Variants in PEX5L observed in about 807,000 individuals in gnomAD.
The protein encoded by PEX5L is peroxisomal biogenesis factor 5 like.
A neutral mutation model predicts 84.0 loss-of-function variants in PEX5L; 30 were observed. The observed-to-expected ratio is 0.36, with a 90% confidence interval of 0.27 to 0.48. The LOEUF (loss-of-function observed/expected upper bound fraction) is 0.48, where lower values mean the gene tolerates loss of function less well. Among genes scored for constraint, PEX5L ranks in the 20% least tolerant of loss-of-function variants. The pLI, the probability that PEX5L is intolerant of heterozygous loss-of-function variation, is 0.99. For missense variants in PEX5L, 533 were observed against 754.6 expected (o/e 0.71, Z 3.44); for synonymous variants, 270 against 283.1 (o/e 0.95, Z 0.46).
intron 7 of PEX5L, among the ~76,000 whole-genome samples, chr3:179,866,005 T>C (rs1027753262): frequency 3.9e-5 from 6 of 152,274 alleles, no homozygotes; most frequent in Middle Eastern, 6.8e-3. Flanking sequence ...CCTGGAAACA[T>C]CTTGGGTTTA....
intron 8 of PEX5L, among the ~76,000 whole-genome samples, chr3:179,846,950 A>G (rs891741130): frequency 2.0e-5 from 3 of 152,072 alleles, no homozygotes; most frequent in Middle Eastern, 3.4e-3. Context: ...AGCCTCCACA[A>G]TTGTGTGAGC....
chr3:179,858,869 ATCAAATGTTC>A (rs1446153622), intron 8 of PEX5L, among the ~76,000 whole-genome samples, 183 bp downstream of exon 8: 2 of 152,198 alleles, frequency 1.3e-5, no homozygotes, highest in Non-Finnish European at 2.9e-5. Context: ...CTGGTGGGAA[ATCAAATGTTC>A]TCTGGTACAT....
intron 2 of PEX5L, among the ~76,000 whole-genome samples, chr3:179,950,770 G>C (rs77294036): frequency 0.026 from 3,943 of 152,294 alleles, 179 homozygotes; most frequent in African/African-American, 0.091. Flanking sequence ...GTCCCAAGAG[G>C]TCAAAGCAAG....
At chr3:180,009,338 T>A (rs2110459454) in intron 1 of PEX5L, among the ~76,000 whole-genome samples, 1 of 152,336 alleles carries the variant, frequency 6.6e-6, no homozygotes, top group East Asian at 1.9e-4. Flanking sequence ...ATAGAGTAAT[T>A]AATTACTTTA....
chr3:179,942,521 G>A (rs182195698), intron 2 of PEX5L, among the ~76,000 whole-genome samples: 2 of 152,338 alleles, frequency 1.3e-5, no homozygotes, highest in Admixed American at 6.5e-5. Flanking sequence ...GTAGGCACTC[G>A]GAGGCGCGGA....
intron 8 of PEX5L, among the ~76,000 whole-genome samples, chr3:179,846,984 T>C (rs1311311571): frequency 6.6e-6 from 1 of 151,902 alleles, no homozygotes; most frequent in African/African-American, 2.4e-5. Context: ...TAAATCTAAA[T>C]ATGGAGATAT....
Position 179,798,866 on chromosome 3 carries a change from T to C in PEX5L, c.*2962A>G, listed in dbSNP as rs1015209172. The C allele has an allele frequency of 5.9e-5, 9 of 152,178 alleles. No individual in the cohort carries two copies. Among genetic ancestry groups the C allele is most frequent in the African/African-American group, 1.9e-4 (8 of 41,442 alleles). 9.4% of individuals were successfully genotyped at this position (152,178 alleles called of 1,614,324 possible). A position where few individuals can be genotyped will look rare whatever the true frequency, so the allele number is the denominator to read the frequency against. ...CTGTATATGATTTATACAAAAAGAC[T>C]GTTCTAAAGTCTTGCTACTGATTTC... On this transcript the variant is annotated 3_prime_UTR_variant, in exon 15 of 15. Transcript: ENST00000467460.
At position 180,036,736 on chromosome 3, in the gene PEX5L, G is replaced by T. The variant is rs1791941548; in HGVS notation, c.-137C>A. On this transcript the variant is annotated 5_prime_UTR_variant, in exon 1 of 15. Transcript: ENST00000467460. ...GCTCCTGAGCCCCCTGGAGCTCCGG[G>T]TACTCGGCCGGCCGGCGGCCACTCG... 1.1e-6 allele frequency: 1 copy of T among 892,054 alleles called. No homozygotes were observed. The highest frequency in any genetic ancestry group is 1.8e-5 in the Admixed American group (1 of 54,386). 55.3% of individuals were successfully genotyped at this position (892,054 alleles called of 1,614,324 possible). A position where few individuals can be genotyped will look rare whatever the true frequency, so the allele number is the denominator to read the frequency against.
rs556286115 is a variant in PEX5L, at chr3:179,795,775, T to G, written c.*6053A>C. On this transcript the variant is annotated 3_prime_UTR_variant, in exon 15 of 15. Transcript: ENST00000467460. ...TCAAAACAACATTTTTAGATTAGAT[T>G]AGAGATGCAATATTCATAGATATAT... The G allele has an allele frequency of 6.6e-6, 1 of 152,288 alleles. No homozygotes were observed. Among genetic ancestry groups the G allele is most frequent in the African/African-American group, 2.4e-5 (1 of 41,568 alleles). 9.4% of individuals were successfully genotyped at this position (152,288 alleles called of 1,614,324 possible). A position where few individuals can be genotyped will look rare whatever the true frequency, so the allele number is the denominator to read the frequency against.
At chr3:179,949,776 G>A (rs1019811060) in intron 2 of PEX5L, among the ~76,000 whole-genome samples, 2 of 152,216 alleles carry the variant, frequency 1.3e-5, no homozygotes, top group African/African-American at 4.8e-5. Flanking sequence ...ATTATGGACA[G>A]GTTACCTAGA....
intron 2 of PEX5L, among the ~76,000 whole-genome samples, chr3:179,948,160 A>C (rs1778112011): frequency 6.6e-6 from 1 of 152,206 alleles, no homozygotes; most frequent in Non-Finnish European, 1.5e-5. Context: ...CATAATTATA[A>C]ATAAATTTCA....
chr3:179,803,448 C>G (rs1291550696), intron 14 of PEX5L, among the ~76,000 whole-genome samples: 1 of 152,038 alleles, frequency 6.6e-6, no homozygotes, highest in Non-Finnish European at 1.5e-5. Context: ...CTGAGAACAC[C>G]AAGTCTGAGA....
At chr3:180,009,591 T>C (rs2110460751) in intron 1 of PEX5L, among the ~76,000 whole-genome samples, 1 of 152,220 alleles carries the variant, frequency 6.6e-6, no homozygotes, top group African/African-American at 2.4e-5. Flanking sequence ...TTTTTTGTTT[T>C]TAGAAACAAG....
intron 14 of PEX5L, among the ~76,000 whole-genome samples, chr3:179,804,832 T>A (rs1379780673): frequency 6.6e-6 from 1 of 152,186 alleles, no homozygotes; most frequent in Non-Finnish European, 1.5e-5. Context: ...TTTATGTCTC[T>A]CTCTCGCCGG....
intron 2 of PEX5L, among the ~76,000 whole-genome samples, chr3:179,926,728 C>G (rs997443970): frequency 6.6e-6 from 1 of 152,200 alleles, no homozygotes; most frequent in African/African-American, 2.4e-5. Flanking sequence ...CTGCCACATT[C>G]ACAACATTTA....
At chr3:179,849,990 T>C (rs1490245530) in intron 8 of PEX5L, among the ~76,000 whole-genome samples, 4 of 152,180 alleles carry the variant, frequency 2.6e-5, no homozygotes, top group Non-Finnish European at 5.9e-5. Context: ...ATTTATATAG[T>C]AGATATCAAA....
chr3:179,813,836 C>A (rs1175604299), intron 10 of PEX5L, among the ~76,000 whole-genome samples: 2 of 152,012 alleles, frequency 1.3e-5, no homozygotes, highest in African/African-American at 4.8e-5. Context: ...GCCACCGCGC[C>A]CGGCTAATTT....
At chr3:179,968,010 T>C (rs1783788756) in intron 2 of PEX5L, among the ~76,000 whole-genome samples, 3 of 152,208 alleles carry the variant, frequency 2.0e-5, no homozygotes, top group South Asian at 4.1e-4. Context: ...ATTTGACATT[T>C]CCCAACCTGC....
At chr3:180,001,809 G>C (rs1268060666) in intron 1 of PEX5L, among the ~76,000 whole-genome samples, 1 of 151,802 alleles carries the variant, frequency 6.6e-6, no homozygotes, top group Non-Finnish European at 1.5e-5. Flanking sequence ...CTGCTTCCCA[G>C]TACATTTACA....
Sources: allele counts gnomAD v4.1 joint callset (sites outside exome capture counted in the v4.1 genomes callset), GRCh38; gene constraint gnomAD v4.1.1; transcripts MANE v1.5; gene names NCBI Gene and HGNC (gene_info 2026-07-23, HGNC 2026-07-21).